SENP7: variants seen among roughly 807,000 people sequenced by gnomAD.
SENP7 encodes SUMO specific peptidase 7, also known as sentrin-specific protease 7.
In SENP7, 64 loss-of-function variants were observed where a neutral mutation model predicts 141.2. That is an observed-to-expected ratio of 0.45 (90% CI 0.37 to 0.56). The LOEUF (loss-of-function observed/expected upper bound fraction) is 0.56, where lower values mean the gene tolerates loss of function less well. Among genes scored for constraint, SENP7 ranks in the 20% least tolerant of loss-of-function variants. The pLI is 0.00. For missense variants in SENP7, 1,025 were observed against 1,212.2 expected, an observed-to-expected ratio of 0.85 and a Z score of 2.29; for synonymous variants, 382 against 426.4, an observed-to-expected ratio of 0.90 and a Z score of 1.28.
intron 2 of SENP7, among the ~76,000 whole-genome samples, chr3:101,499,460 C>T (rs563377299): frequency 6.6e-6 from 1 of 152,208 alleles, no homozygotes; most frequent in South Asian, 2.1e-4. Context: ...CCTCTGCCTC[C>T]CGGGTTCAAG....
chr3:101,476,238 T>C (rs1347837624), intron 3 of SENP7, among the ~76,000 whole-genome samples: 2 of 151,992 alleles, frequency 1.3e-5, no homozygotes, highest in Admixed American at 6.6e-5. Context: ...CTCCTAATGC[T>C]ATCCCTCCCC....
chr3:101,447,052 C>T (rs1378920545), intron 4 of SENP7, among the ~76,000 whole-genome samples: 2 of 151,900 alleles, frequency 1.3e-5, no homozygotes, highest in East Asian at 3.8e-4. Flanking sequence ...AAAAGTGAGA[C>T]ATAAAAATTG....
At chr3:101,437,650 A>C (rs1392426243) in intron 4 of SENP7, among the ~76,000 whole-genome samples, 1 of 152,120 alleles carries the variant, frequency 6.6e-6, no homozygotes, top group Non-Finnish European at 1.5e-5. Flanking sequence ...ATGAGGCTAC[A>C]GTGAGCTATG....
intron 16 of SENP7, among the ~76,000 whole-genome samples, chr3:101,338,670 G>C (rs2059251397): frequency 6.6e-6 from 1 of 152,266 alleles, no homozygotes; most frequent in East Asian, 1.9e-4. Context: ...TGTATGTGAG[G>C]AAAGTACCCA....
intron 6 of SENP7, among the ~76,000 whole-genome samples, chr3:101,382,996 T>C (rs566355249): frequency 9.2e-5 from 14 of 152,254 alleles, no homozygotes; most frequent in South Asian, 2.1e-4. Flanking sequence ...TAAGGACAAA[T>C]ACTAACAGAA....
intron 3 of SENP7, among the ~76,000 whole-genome samples, chr3:101,465,251 G>A (rs2063723302): frequency 6.6e-6 from 1 of 152,070 alleles, no homozygotes; most frequent in Non-Finnish European, 1.5e-5. Flanking sequence ...CCCGCCACTG[G>A]CTCAGACACA....
chr3:101,458,660 C>A, intron 4 of SENP7: 1 of 182,242 alleles, frequency 5.5e-6, no homozygotes, highest in East Asian at 1.4e-4. Flanking sequence ...AGAAATGGAA[C>A]ACCCTTTCTC....
intron 6 of SENP7, among the ~76,000 whole-genome samples, chr3:101,374,662 T>TA (rs1433379720): frequency 2.0e-5 from 3 of 151,020 alleles, no homozygotes; most frequent in African/African-American, 7.3e-5. Context: ...CCTGTAGTCT[T>TA]AGCTACTCAG....
chr3:101,357,325 G>C (rs2059771749), intron 11 of SENP7: 1 of 659,426 alleles, frequency 1.5e-6, no homozygotes, highest in Non-Finnish European at 2.9e-6. Flanking sequence ...CTGCACAGTG[G>C]AATTTATATA....
At chr3:101,426,686 T>G (rs2061970272) in intron 4 of SENP7, among the ~76,000 whole-genome samples, 1 of 152,014 alleles carries the variant, frequency 6.6e-6, no homozygotes, top group Non-Finnish European at 1.5e-5. Flanking sequence ...TTCATCATGT[T>G]GGCCAGCCTG....
intron 4 of SENP7, among the ~76,000 whole-genome samples, chr3:101,453,951 C>G (rs1414515353): frequency 2.0e-5 from 3 of 149,346 alleles, no homozygotes; most frequent in South Asian, 4.3e-4. Context: ...AAATGGCAAA[C>G]AAAACCACAA....
Position 101,367,959 on chromosome 3 carries a change from G to A in SENP7, c.849C>T (p.Asn283=), listed in dbSNP as rs2060081267. 1 of 1,612,924 alleles carries A rather than the reference G, an allele frequency of 6.2e-7. No homozygotes were observed. Among genetic ancestry groups the A allele is most frequent in the African/African-American group, 1.3e-5 (1 of 74,846 alleles). ...GCDHLEQESR[N]KDVKYSDSKV... The stretch of plus-strand genomic sequence containing the variant: ...TTGAATCAGAATATTTAACATCCTT[G>A]TTTCTGCTTTCCTGTTCGAGATGAT... Residue 283 remains asparagine (N), a synonymous_variant, in exon 8 of 24, where the codon AAC becomes AAT. Coordinates refer to ENST00000394095, the MANE Select transcript of SENP7 (RefSeq NM_020654.5).
intron 3 of SENP7, among the ~76,000 whole-genome samples, chr3:101,472,215 C>T (rs2064028010): frequency 6.6e-6 from 1 of 152,180 alleles, no homozygotes; most frequent in African/African-American, 2.4e-5. Flanking sequence ...ATGTTTATTG[C>T]AGCACTATCC....
rs541267096 is a variant in SENP7 at position 101,329,674 on chromosome 3, A to C, written c.2751+660T>G. Among the ~76,000 whole-genome samples the C allele has an allele frequency of 2.0e-5, 3 of 151,642 alleles. No homozygotes were observed. The South Asian group carries it at 6.3e-4, about 32-fold the overall frequency. ...ATTTTCTGGCCGGGCTCGGTGGCTC[A>C]CGCCTCTAATCTCAGCACTTTGGGA... is the stretch of plus-strand genomic sequence containing the variant. On this transcript the variant is annotated intron_variant, in intron 20 of 23. Transcript: ENST00000394095.
intron 4 of SENP7, among the ~76,000 whole-genome samples, chr3:101,441,154 G>A (rs1304839874): frequency 6.6e-6 from 1 of 152,156 alleles, no homozygotes; most frequent in Non-Finnish European, 1.5e-5. Flanking sequence ...GCTGCCACCA[G>A]TGTTTACATG....
Position 101,513,124 on chromosome 3 carries a change from T to G in SENP7, c.7A>C (p.Lys3Gln), listed in dbSNP as rs773652953. 10 of 1,612,476 alleles carry G rather than the reference T, an allele frequency of 6.2e-6. No homozygotes were observed. Among genetic ancestry groups the G allele is most frequent in the Non-Finnish European group, 8.5e-6 (10 of 1,179,732 alleles). The change falls in exon 1 of 24, where the codon AAG (lysine) becomes CAG (glutamine). Residue 3 changes from lysine (K) to glutamine (Q), a missense_variant. Physicochemically the swap from Lys to Gln is moderately conservative, Grantham distance 53. Transcript: ENST00000394095. MD[K>Q]RKLGRRPSSS... ...GATGGCCGTCGCCCGAGCTTTCTCTTGTCCATCTTCTCCCGCTGCTGAAAT... is the reference window on the plus strand; with the variant it reads ...GATGGCCGTCGCCCGAGCTTTCTCTGGTCCATCTTCTCCCGCTGCTGAAAT...
At chr3:101,467,917 A>G (rs887445397) in intron 3 of SENP7, among the ~76,000 whole-genome samples, 1 of 152,196 alleles carries the variant, frequency 6.6e-6, no homozygotes, top group Non-Finnish European at 1.5e-5. Context: ...TCCAAGCTAA[A>G]GAAGGATGTT....
At chr3:101,481,045 G>A (rs1279095783) in intron 3 of SENP7, among the ~76,000 whole-genome samples, 1 of 146,058 alleles carries the variant, frequency 6.8e-6, no homozygotes, top group African/African-American at 2.5e-5. Flanking sequence ...AATTAGTATA[G>A]CTATTATGAA....
rs147060178 is a variant in SENP7, at chr3:101,480,302, A to G, written c.186+13571T>C. On this transcript the variant is annotated intron_variant, in intron 3 of 23. Coordinates refer to ENST00000394095, the MANE Select transcript of SENP7 (RefSeq NM_020654.5). ...TAAGGCAATGTAACCAAAACAGCAT[A>G]GTACTGGTATTAAAAACAGACCCAC... Among the ~76,000 whole-genome samples, 792 of 152,312 alleles carry G rather than the reference A, an allele frequency of 5.2e-3. 24 individuals are homozygous for G. Among genetic ancestry groups the G allele is most frequent in the Admixed American group, 0.045 (695 of 15,290 alleles).
Sources: gnomAD v4.1 joint callset for allele counts (sites outside exome capture counted in the v4.1 genomes callset) on GRCh38, gnomAD v4.1.1 for gene constraint, MANE v1.5 for transcripts, NCBI Gene and HGNC (gene_info 2026-07-23, HGNC 2026-07-21) for gene names.